Variants in INPP5A observed in about 807,000 individuals in gnomAD.
The protein encoded by INPP5A is inositol polyphosphate-5-phosphatase A.
Under a neutral mutation model 65.2 loss-of-function variants are expected in INPP5A, and 14 were observed. The observed-to-expected ratio is 0.21, with a 90% confidence interval of 0.14 to 0.34. INPP5A has a LOEUF of 0.34. Ranked by LOEUF, INPP5A falls within the 10% of genes least tolerant of loss-of-function variation. The probability of loss-of-function intolerance (pLI) is 1.00; values close to 1 mark genes in which losing one functional copy is unlikely to be tolerated. For missense variants in INPP5A, 431 were observed against 545.6 expected, an observed-to-expected ratio of 0.79 and a Z score of 2.09; for synonymous variants, 207 against 208.3, an observed-to-expected ratio of 0.99 and a Z score of 0.05.
chr10:132,732,075 C>T (rs984094192), intron 9 of INPP5A, among the ~76,000 whole-genome samples: 3 of 152,240 alleles, frequency 2.0e-5, no homozygotes, highest in African/African-American at 4.8e-5. Context: ...CACCACGGCT[C>T]ATTCACACGC....
intron 8 of INPP5A, among the ~76,000 whole-genome samples, chr10:132,720,549 A>G (rs1489518758): frequency 1.7e-3 from 145 of 83,872 alleles, no homozygotes; most frequent in South Asian, 2.5e-3. Context: ...ACCTTAGACG[A>G]CTGTCTTCAG....
chr10:132,603,832 G>T lies in INPP5A; in HGVS notation c.76-4083G>T, dbSNP rs955819700. Among the ~76,000 whole-genome samples, 1 of 152,136 alleles carries T rather than the reference G, an allele frequency of 6.6e-6. No homozygotes were observed. The highest frequency in any genetic ancestry group is 1.5e-5 in the Non-Finnish European group (1 of 68,036). ...TCAGCCCTTGGTTCTGTACTGTGTG[G>T]ACATGGTGTGGGTCACTGTGGTCTT... On this transcript the variant is annotated intron_variant, in intron 1 of 15. Transcript: ENST00000368594. The surrounding 1 kb of genome is among the most constrained non-coding windows in gnomAD (Gnocchi z 4.2).
chr10:132,648,212 C>CACGGAGG (rs2072524563), intron 3 of INPP5A, among the ~76,000 whole-genome samples: 1 of 152,260 alleles, frequency 6.6e-6, no homozygotes, highest in African/African-American at 2.4e-5. Context: ...GCACCCTGAG[C>CACGGAGG]ACGGAGGACG....
intron 1 of INPP5A, among the ~76,000 whole-genome samples, chr10:132,567,164 C>T (rs909378598): frequency 2.6e-5 from 4 of 152,186 alleles, no homozygotes; most frequent in East Asian, 3.8e-4. Flanking sequence ...TGTCTCCATC[C>T]GGCCACCCTC....
chr10:132,726,739 G>A (rs1590961028), intron 8 of INPP5A, 82 bp from the exon 9 acceptor site: 2 of 906,350 alleles, frequency 2.2e-6, no homozygotes, highest in Non-Finnish European at 3.5e-6. Context: ...TGCGGATGGG[G>A]AGCGTGGAGG....
chr10:132,548,119 G>A (rs1490917359), intron 1 of INPP5A, among the ~76,000 whole-genome samples: 2 of 152,068 alleles, frequency 1.3e-5, no homozygotes, highest in East Asian at 3.9e-4. Context: ...GGCCAGGCTG[G>A]TCTTGAACTC....
At chr10:132,544,598 G>A (rs1388763142) in intron 1 of INPP5A, among the ~76,000 whole-genome samples, 5 of 152,070 alleles carry the variant, frequency 3.3e-5, no homozygotes, top group Admixed American at 1.3e-4. Flanking sequence ...TGCAGGGTAC[G>A]GGAGCTGCTT....
At chr10:132,774,598 G>A (rs953551391) in intron 12 of INPP5A, among the ~76,000 whole-genome samples, 1 of 152,130 alleles carries the variant, frequency 6.6e-6, no homozygotes, top group African/African-American at 2.4e-5. Flanking sequence ...CTCCTGTGCC[G>A]TCAGCCCTGC....
chr10:132,589,054 C>T (rs770079108), intron 1 of INPP5A, among the ~76,000 whole-genome samples: 8 of 151,792 alleles, frequency 5.3e-5, no homozygotes, highest in Non-Finnish European at 1.2e-4. Flanking sequence ...TGGTGTGTGT[C>T]GCCATCAGTG....
intron 4 of INPP5A, among the ~76,000 whole-genome samples, chr10:132,686,814 A>G (rs954153456): frequency 1.3e-5 from 2 of 152,220 alleles, no homozygotes; most frequent in African/African-American, 4.8e-5. Flanking sequence ...TATCTTCTAT[A>G]AAGAAGGGCT....
In INPP5A at chr10:132,603,567, G is replaced by C. The variant is rs1315458936; in HGVS notation, c.76-4348G>C. ...GAGATAAATATTTATTGGTGCAAGA[G>C]ATAAAGCTCTACAATTCCTCTAAGG... On this transcript the variant is annotated intron_variant, in intron 1 of 15. Coordinates refer to ENST00000368594, the MANE Select transcript of INPP5A (RefSeq NM_005539.5). This position sits in a 1 kb window ranked among gnomAD's most constrained non-coding sequence, Gnocchi z 4.2. Among the ~76,000 whole-genome samples, 2 of 152,212 alleles carry C rather than the reference G, an allele frequency of 1.3e-5. No homozygotes were observed. Among genetic ancestry groups the C allele is most frequent in the Admixed American group, 1.3e-4 (2 of 15,284 alleles).
intron 12 of INPP5A, among the ~76,000 whole-genome samples, chr10:132,766,556 A>G (rs1454411321): frequency 6.6e-6 from 1 of 151,956 alleles, no homozygotes; most frequent in Admixed American, 6.6e-5. Flanking sequence ...ACAGTTGTGG[A>G]TGTGTGTGCA....
At chr10:132,760,441 A>G (rs1020392374) in intron 11 of INPP5A, among the ~76,000 whole-genome samples, 6 of 152,356 alleles carry the variant, frequency 3.9e-5, no homozygotes, top group African/African-American at 9.6e-5. Context: ...CAGAGCCCTC[A>G]TTGCAAGAGG....
At chr10:132,715,858 A>C (rs1845730243) in intron 8 of INPP5A, among the ~76,000 whole-genome samples, 1 of 152,144 alleles carries the variant, frequency 6.6e-6, no homozygotes, top group African/African-American at 2.4e-5. Context: ...AGGGTGGCCG[A>C]GGTCATGTGT....
intron 11 of INPP5A, among the ~76,000 whole-genome samples, chr10:132,751,421 T>G (rs995171754): frequency 6.6e-6 from 1 of 152,220 alleles, no homozygotes; most frequent in African/African-American, 2.4e-5. Flanking sequence ...GGAGGCACCC[T>G]CCCCTCTCCT....
At chr10:132,563,663 A>AT (rs1196204106) in intron 1 of INPP5A, among the ~76,000 whole-genome samples, 4 of 152,156 alleles carry the variant, frequency 2.6e-5, no homozygotes, top group African/African-American at 9.7e-5. Context: ...CTACAGAAAA[A>AT]TTAAAGGAAA....
intron 8 of INPP5A, among the ~76,000 whole-genome samples, chr10:132,724,938 G>T (rs1463966747): frequency 2.3e-3 from 329 of 144,400 alleles, no homozygotes; most frequent in African/African-American, 8.3e-3. Flanking sequence ...TCACTCTCCA[G>T]AACTCACGGG....
intron 8 of INPP5A, among the ~76,000 whole-genome samples, chr10:132,720,314 G>A (rs1379870317): frequency 7.5e-5 from 11 of 145,846 alleles, no homozygotes; most frequent in African/African-American, 2.5e-4. Context: ...GTTCTGTGGT[G>A]CCTGGGTTCT....
At chr10:132,701,847 G>A (rs953832530) in intron 6 of INPP5A, among the ~76,000 whole-genome samples, 38 of 152,348 alleles carry the variant, frequency 2.5e-4, no homozygotes, top group South Asian at 1.4e-3. Flanking sequence ...GAATTGGGGC[G>A]GTGGTTCCCG....
Sources: allele counts gnomAD v4.1 joint callset (sites outside exome capture counted in the v4.1 genomes callset), GRCh38; gene constraint gnomAD v4.1.1; non-coding constraint Gnocchi (gnomAD v3.1); transcripts MANE v1.5; gene names NCBI Gene and HGNC (gene_info 2026-07-23, HGNC 2026-07-21).